ELOVL5: variants seen among roughly 807,000 people sequenced by gnomAD.
ELOVL5 encodes ELOVL fatty acid elongase 5, also known as very long chain fatty acid elongase 5.
In ELOVL5, 8 loss-of-function variants were observed where a neutral mutation model predicts 38.6. That is an observed-to-expected ratio of 0.21 (90% CI 0.12 to 0.37). The LOEUF (loss-of-function observed/expected upper bound fraction) is 0.37, where lower values mean the gene tolerates loss of function less well. Ranked by LOEUF, ELOVL5 falls within the 10% of genes least tolerant of loss-of-function variation. The pLI is 1.00. For synonymous variants in ELOVL5, 127 were observed against 133.7 expected, an observed-to-expected ratio of 0.95 and a Z score of 0.34; for missense variants, 280 against 367.8, an observed-to-expected ratio of 0.76 and a Z score of 1.95.
intron 7 of ELOVL5, 140 bp downstream of exon 7, chr6:53,270,453 G>T: frequency 4.8e-6 from 4 of 840,676 alleles, no homozygotes; most frequent in Non-Finnish European, 7.4e-6. Context: ...AGAGGCAGGG[G>T]CTGCTCTTGT....
At chr6:53,324,746 C>G (rs1431197511) in intron 1 of ELOVL5, among the ~76,000 whole-genome samples, 1 of 148,784 alleles carries the variant, frequency 6.7e-6, no homozygotes, top group Non-Finnish European at 1.5e-5. Context: ...AGCAACGACT[C>G]TGGGATAACT....
At chr6:53,345,639 CA>C (rs1275145932) in intron 1 of ELOVL5, among the ~76,000 whole-genome samples, 13 of 152,192 alleles carry the variant, frequency 8.5e-5, no homozygotes, top group Middle Eastern at 3.2e-3. Flanking sequence ...GTGTGGGCTA[CA>C]AGGAAGGGAA....
intron 1 of ELOVL5, among the ~76,000 whole-genome samples, chr6:53,332,781 T>C (rs1186375271): frequency 6.6e-6 from 1 of 152,216 alleles, no homozygotes; most frequent in African/African-American, 2.4e-5. Context: ...ACTAGTTTCT[T>C]TGGCTCTGTT....
chr6:53,298,888 G>A (rs1767128865), intron 1 of ELOVL5, among the ~76,000 whole-genome samples: 1 of 141,256 alleles, frequency 7.1e-6, no homozygotes, highest in South Asian at 2.4e-4. Context: ...GCAAGAGAAG[G>A]TGGGGGCAAG....
At chr6:53,305,131 G>T (rs1486499455) in intron 1 of ELOVL5, among the ~76,000 whole-genome samples, 1 of 149,956 alleles carries the variant, frequency 6.7e-6, no homozygotes, top group African/African-American at 2.5e-5. Context: ...CCTCCCAGAC[G>T]GGGCGGCTCG....
intron 3 of ELOVL5, among the ~76,000 whole-genome samples, chr6:53,281,574 A>G (rs570950408): frequency 1.2e-4 from 19 of 152,350 alleles, no homozygotes; most frequent in African/African-American, 4.3e-4. Flanking sequence ...TACTCTGTCC[A>G]TGAAGAATTC....
At chr6:53,272,577 C>T (rs59781194) in intron 6 of ELOVL5, among the ~76,000 whole-genome samples, 1,604 of 152,190 alleles carry the variant, frequency 0.011, 26 homozygotes, top group African/African-American at 0.037. Flanking sequence ...AGTTCATAGA[C>T]GAATTCATGA....
At chr6:53,291,998 A>G in intron 2 of ELOVL5, 35 bp from the exon 3 acceptor site, 1 of 1,333,958 alleles carries the variant, frequency 7.5e-7, no homozygotes, top group South Asian at 1.6e-5. Flanking sequence ...ATATATAAAA[A>G]CATTCACAAC....
chr6:53,303,993 T>C (rs1245461311), intron 1 of ELOVL5, among the ~76,000 whole-genome samples: 1 of 152,212 alleles, frequency 6.6e-6, no homozygotes, highest in Non-Finnish European at 1.5e-5. Context: ...TGTTGCTGTC[T>C]AGACAACTCA....
intron 1 of ELOVL5, among the ~76,000 whole-genome samples, chr6:53,330,433 G>A (rs2127591204): frequency 6.6e-6 from 1 of 151,202 alleles, no homozygotes; most frequent in South Asian, 2.1e-4. Flanking sequence ...ACTATGCTGA[G>A]GCTACACTAA....
At position 53,335,618 on chromosome 6, in the gene ELOVL5, C is replaced by T. The variant is rs143175632; in HGVS notation, c.-9+13199G>A. On this transcript the variant is annotated intron_variant, in intron 1 of 7. Transcript: ENST00000304434. ...GTTTATTTTGTCACTATCCTTCCCC[C>T]AGACTCTCAGTTCCAAGTGAGTGGG... 4.3e-3 allele frequency among the ~76,000 whole-genome samples: 656 copies of T among 152,276 alleles called. 8 individuals are homozygous for T. Among genetic ancestry groups the T allele is most frequent in the African/African-American group, 0.015 (633 of 41,530 alleles).
chr6:53,288,964 G>A (rs998089694), intron 3 of ELOVL5, among the ~76,000 whole-genome samples: 2 of 152,198 alleles, frequency 1.3e-5, no homozygotes, highest in Admixed American at 1.3e-4. Context: ...CACTTGGGAG[G>A]TTGAGGCGGG....
chr6:53,291,707 G>C, intron 3 of ELOVL5, 69 bp downstream of exon 3: 1 of 1,320,686 alleles, frequency 7.6e-7, no homozygotes, highest in Non-Finnish European at 1.0e-6. Context: ...CCTCATTTAG[G>C]AATACAATTT....
intron 1 of ELOVL5, among the ~76,000 whole-genome samples, chr6:53,297,927 C>T (rs1047792514): frequency 2.0e-5 from 3 of 152,250 alleles, no homozygotes; most frequent in East Asian, 1.9e-4. Flanking sequence ...CCTTATGTTT[C>T]GTAAAGAGAA....
intron 1 of ELOVL5, among the ~76,000 whole-genome samples, chr6:53,301,877 C>G (rs1409915707): frequency 6.6e-6 from 1 of 152,070 alleles, no homozygotes; most frequent in Non-Finnish European, 1.5e-5. Flanking sequence ...TATCTCACTA[C>G]AAAAAACTGA....
At chr6:53,345,435 T>G (rs1302424492) in intron 1 of ELOVL5, among the ~76,000 whole-genome samples, 3 of 135,480 alleles carry the variant, frequency 2.2e-5, no homozygotes, top group Admixed American at 7.7e-5. Context: ...AAGATATAAG[T>G]GTCCCAGAAA....
At chr6:53,330,607 G>A (rs1213434954) in intron 1 of ELOVL5, among the ~76,000 whole-genome samples, 1 of 135,296 alleles carries the variant, frequency 7.4e-6, no homozygotes, top group Non-Finnish European at 1.5e-5. Context: ...CTGCAGCCTC[G>A]AACTCCTGAC....
intron 1 of ELOVL5, among the ~76,000 whole-genome samples, chr6:53,310,994 T>G (rs1004062918): frequency 6.6e-6 from 1 of 152,188 alleles, no homozygotes; most frequent in Admixed American, 6.5e-5. Context: ...AAATAGCAAC[T>G]GAGTCCACAA....
intron 1 of ELOVL5, among the ~76,000 whole-genome samples, chr6:53,322,649 C>G (rs1768346107): frequency 6.6e-6 from 1 of 152,188 alleles, no homozygotes; most frequent in African/African-American, 2.4e-5. Flanking sequence ...CAACCAACTC[C>G]TACCTGGGCA....
Sources: allele counts gnomAD v4.1 joint callset (sites outside exome capture counted in the v4.1 genomes callset), GRCh38; gene constraint gnomAD v4.1.1; transcripts MANE v1.5; gene names NCBI Gene and HGNC (gene_info 2026-07-23, HGNC 2026-07-21).